PTPRM: variants seen among roughly 807,000 people sequenced by gnomAD.
The protein encoded by PTPRM is receptor-type tyrosine-protein phosphatase mu.
Under a neutral mutation model 186.7 loss-of-function variants are expected in PTPRM, and 47 were observed. The ratio of observed to expected loss-of-function variants is 0.25; its 90% CI spans 0.20 to 0.32. PTPRM has a LOEUF of 0.32. Among genes scored for constraint, PTPRM ranks in the 10% least tolerant of loss-of-function variants. PTPRM has a pLI of 1.00. For synonymous variants in PTPRM, 668 were observed against 674.9 expected (o/e 0.99, Z 0.16); for missense variants, 1,494 against 1,865.0 (o/e 0.80, Z 3.66).
rs598136 is a variant in PTPRM at position 7,719,391 on chromosome 18, C to T, written c.74-54758C>T. 6.6e-5 allele frequency among the ~76,000 whole-genome samples: 10 copies of T among 150,792 alleles called. No individual in the cohort carries two copies. In the East Asian group the frequency reaches 1.8e-3, roughly 28 times the overall value. ...GGACTTTGGGGACGTGGAGGGATGG[C>T]TGGGAGGGTGTGGGTGATAAAAGAT... On this transcript the variant is annotated intron_variant, in intron 1 of 32. Coordinates refer to ENST00000580170, the MANE Select transcript of PTPRM (RefSeq NM_001105244.2).
intron 14 of PTPRM, among the ~76,000 whole-genome samples, chr18:8,203,106 G>A (rs916171937): frequency 1.3e-5 from 2 of 152,210 alleles, no homozygotes; most frequent in Non-Finnish European, 2.9e-5. Context: ...ATGACCGAAT[G>A]TATATCTACG....
intron 2 of PTPRM, among the ~76,000 whole-genome samples, chr18:7,887,304 C>G (rs1018989869): frequency 6.6e-6 from 1 of 152,124 alleles, no homozygotes; most frequent in African/African-American, 2.4e-5. Context: ...TCTGGAAGCT[C>G]CTCAACACTC....
At chr18:8,222,705 A>T (rs2094167614) in intron 14 of PTPRM, among the ~76,000 whole-genome samples, 1 of 152,252 alleles carries the variant, frequency 6.6e-6, no homozygotes, top group South Asian at 2.1e-4. Context: ...TCTAAGAATT[A>T]TGTACCCACT....
chr18:7,984,592 T>TACCCC (rs1555676848), intron 7 of PTPRM, among the ~76,000 whole-genome samples: 1 of 123,028 alleles, frequency 8.1e-6, no homozygotes, highest in Non-Finnish European at 1.6e-5. Flanking sequence ...TATATATATA[T>TACCCC]ATATATATAT....
intron 7 of PTPRM, among the ~76,000 whole-genome samples, chr18:8,020,432 C>G (rs182878950): frequency 6.6e-6 from 1 of 152,240 alleles, no homozygotes; most frequent in East Asian, 1.9e-4. Context: ...AGTCCTGTGA[C>G]TGTTTAAAAT....
chr18:8,143,228 G>A (rs538350424), intron 13 of PTPRM, among the ~76,000 whole-genome samples: 11 of 152,172 alleles, frequency 7.2e-5, no homozygotes, highest in Admixed American at 1.3e-4. Flanking sequence ...TGGAATTACT[G>A]CTTCGTTTAT....
intron 1 of PTPRM, among the ~76,000 whole-genome samples, chr18:7,723,770 GT>G (rs1276393915): frequency 6.6e-6 from 1 of 152,120 alleles, no homozygotes; most frequent in Middle Eastern, 3.2e-3. Flanking sequence ...CTGAGACCCT[GT>G]CCCCTGGGGG....
intron 4 of PTPRM, among the ~76,000 whole-genome samples, chr18:7,918,299 T>TTC (rs1425359113): frequency 1.3e-5 from 2 of 151,998 alleles, no homozygotes; most frequent in African/African-American, 4.8e-5. Context: ...TGTTTAGTTT[T>TTC]TGAGAAACCT....
intron 7 of PTPRM, among the ~76,000 whole-genome samples, chr18:7,985,734 G>A (rs2082929197): frequency 6.6e-6 from 1 of 151,602 alleles, no homozygotes; most frequent in Non-Finnish European, 1.5e-5. Context: ...CCACATCTCG[G>A]AGAATGGAGT....
chr18:7,821,942 A>G (rs1294493590), intron 2 of PTPRM, among the ~76,000 whole-genome samples: 3 of 152,214 alleles, frequency 2.0e-5, no homozygotes, highest in African/African-American at 7.2e-5. Flanking sequence ...AATTTGCCCC[A>G]TGATATTTTT....
intron 11 of PTPRM, among the ~76,000 whole-genome samples, chr18:8,110,259 T>C (rs986768068): frequency 3.3e-5 from 5 of 152,174 alleles, no homozygotes; most frequent in African/African-American, 1.2e-4. Flanking sequence ...AAAATGACTA[T>C]GTGCTCACAG....
chr18:8,380,517 C>T (rs1013179984), intron 29 of PTPRM, 90 bp downstream of exon 29: 76 of 1,459,608 alleles, frequency 5.2e-5, no homozygotes, highest in Non-Finnish European at 6.3e-5. Flanking sequence ...GAAGTGCAGG[C>T]CCTAGTGCCA....
At chr18:7,770,377 A>C (rs1056596244) in intron 1 of PTPRM, among the ~76,000 whole-genome samples, 1 of 152,182 alleles carries the variant, frequency 6.6e-6, no homozygotes, top group South Asian at 2.1e-4. Context: ...TCATCTTCTC[A>C]TGAAGTGCAA....
chr18:7,981,194 A>G (rs2082532278), intron 7 of PTPRM, among the ~76,000 whole-genome samples: 2 of 151,730 alleles, frequency 1.3e-5, no homozygotes, highest in African/African-American at 4.8e-5. Flanking sequence ...TTCACTCTCT[A>G]CTTAAATATC....
chr18:7,904,712 T>C, intron 3 of PTPRM, among the ~76,000 whole-genome samples: 1 of 152,188 alleles, frequency 6.6e-6, no homozygotes, highest in East Asian at 1.9e-4. Context: ...TGTATAAAGC[T>C]TCTGTAAATA....
chr18:8,252,367 C>A, intron 17 of PTPRM, 121 bp from the exon 18 acceptor site: 2 of 871,980 alleles, frequency 2.3e-6, no homozygotes, highest in East Asian at 2.5e-5. Context: ...GAATAGAAAA[C>A]TTAACTGGAA....
intron 3 of PTPRM, among the ~76,000 whole-genome samples, chr18:7,899,044 C>T (rs910970708): frequency 6.6e-6 from 1 of 152,224 alleles, no homozygotes; most frequent in Non-Finnish European, 1.5e-5. Context: ...ACCACTGTAA[C>T]TCATGCTGAC....
rs887366294 is a variant in PTPRM, at chr18:7,668,217, G to A, written c.73+100326G>A. ...GAGGAGCTGCACCACGGTGGTGCCC[G>A]CAGACGCTGCTTCGTGTCCCCCATG... On this transcript the variant is annotated intron_variant, in intron 1 of 32. Coordinates refer to ENST00000580170, the MANE Select transcript of PTPRM (RefSeq NM_001105244.2). This position sits in a 1 kb window ranked among gnomAD's most constrained non-coding sequence, Gnocchi z 4.7. Among the ~76,000 whole-genome samples, 10 of 152,162 alleles carry A rather than the reference G, an allele frequency of 6.6e-5. No individual in the cohort carries two copies. Among genetic ancestry groups the A allele is most frequent in the African/African-American group, 1.7e-4 (7 of 41,434 alleles).
chr18:7,590,927 A>T (rs547039392), intron 1 of PTPRM, among the ~76,000 whole-genome samples: 8 of 152,336 alleles, frequency 5.3e-5, no homozygotes, highest in African/African-American at 1.9e-4. Flanking sequence ...AGAGAAAGTT[A>T]CTTAAAATAG....
Sources: gnomAD v4.1 joint callset for allele counts (sites outside exome capture counted in the v4.1 genomes callset) on GRCh38, gnomAD v4.1.1 for gene constraint, Gnocchi (gnomAD v3.1) non-coding constraint, MANE v1.5 for transcripts, NCBI Gene and HGNC (gene_info 2026-07-23, HGNC 2026-07-21) for gene names.